Variants in SGCZ observed in about 807,000 individuals in gnomAD.
SGCZ encodes sarcoglycan zeta.
Under a neutral mutation model 41.3 loss-of-function variants are expected in SGCZ, and 40 were observed. That is an observed-to-expected ratio of 0.97 (90% CI 0.75 to 1.26). The LOEUF (loss-of-function observed/expected upper bound fraction) is 1.26, where lower values mean the gene tolerates loss of function less well. SGCZ is among the 50% of genes most tolerant of loss of function. The pLI, the probability that SGCZ is intolerant of heterozygous loss-of-function variation, is 0.00. For missense variants in SGCZ, 552 were observed against 369.8 expected, an observed-to-expected ratio of 1.49 and a Z score of -4.04; for synonymous variants, 206 against 137.5, an observed-to-expected ratio of 1.50 and a Z score of -3.49.
intron 1 of SGCZ, among the ~76,000 whole-genome samples, chr8:14,623,594 T>G (rs187032036): frequency 6.6e-6 from 1 of 152,192 alleles, no homozygotes; most frequent in African/African-American, 2.4e-5. Context: ...TTCCTTTTAT[T>G]AGGATCTTAG....
chr8:15,025,502 G>A (rs1005087831), intron 1 of SGCZ, among the ~76,000 whole-genome samples: 1 of 152,208 alleles, frequency 6.6e-6, no homozygotes, highest in Non-Finnish European at 1.5e-5. Context: ...GGTGATAAAA[G>A]AGAGTGCTAA....
At chr8:14,733,001 A>C (rs1798913045) in intron 1 of SGCZ, among the ~76,000 whole-genome samples, 2 of 151,896 alleles carry the variant, frequency 1.3e-5, no homozygotes, top group African/African-American at 4.8e-5. Context: ...CGTGTTTCTG[A>C]TGCGTTTTCA....
At chr8:15,076,340 A>G (rs1805529658) in intron 1 of SGCZ, among the ~76,000 whole-genome samples, 1 of 152,176 alleles carries the variant, frequency 6.6e-6, no homozygotes, top group South Asian at 2.1e-4. Context: ...AAACAATTGA[A>G]GCGAGACAGA....
At chr8:14,397,185 A>T (rs1171180839) in intron 2 of SGCZ, among the ~76,000 whole-genome samples, 1 of 152,078 alleles carries the variant, frequency 6.6e-6, no homozygotes, top group Non-Finnish European at 1.5e-5. Flanking sequence ...ACCTTGAGAG[A>T]TGTTTATTCC....
chr8:14,330,540 C>G (rs984352373), intron 2 of SGCZ, among the ~76,000 whole-genome samples: 2 of 151,610 alleles, frequency 1.3e-5, no homozygotes, highest in African/African-American at 4.8e-5. Context: ...GACATTCAAA[C>G]CTACGATTTA....
chr8:14,560,354 A>T (rs1229364511), intron 1 of SGCZ, among the ~76,000 whole-genome samples: 1 of 151,984 alleles, frequency 6.6e-6, no homozygotes, highest in Non-Finnish European at 1.5e-5. Context: ...ATATGTATAA[A>T]TTTTTAAAAA....
chr8:14,706,306 C>T (rs1396588813), intron 1 of SGCZ, among the ~76,000 whole-genome samples: 1 of 151,646 alleles, frequency 6.6e-6, no homozygotes, highest in East Asian at 1.9e-4. Context: ...ATTTCAAACT[C>T]ACTATTGGGA....
chr8:14,489,857 A>G (rs575853572), intron 2 of SGCZ, among the ~76,000 whole-genome samples: 29 of 92,528 alleles, frequency 3.1e-4, no homozygotes, highest in African/African-American at 1.3e-3. Context: ...TCGCCGAAAA[A>G]TTCTCCTACC....
intron 2 of SGCZ, among the ~76,000 whole-genome samples, chr8:14,473,678 C>T (rs1238453403): frequency 6.6e-6 from 1 of 152,076 alleles, no homozygotes; most frequent in African/African-American, 2.4e-5. Context: ...TGTCTCAAGC[C>T]TGTAATCCCA....
At chr8:14,476,242 C>A (rs1342445130) in intron 2 of SGCZ, among the ~76,000 whole-genome samples, 1 of 152,080 alleles carries the variant, frequency 6.6e-6, no homozygotes, top group African/African-American at 2.4e-5. Flanking sequence ...GGTCCCCTCT[C>A]ACCAATGTTG....
At chr8:15,194,321 A>C (rs1007298567) in intron 1 of SGCZ, among the ~76,000 whole-genome samples, 2 of 152,122 alleles carry the variant, frequency 1.3e-5, no homozygotes, top group Non-Finnish European at 2.9e-5. Context: ...AAGTTTATTC[A>C]TGGTGGGCAC....
intron 1 of SGCZ, among the ~76,000 whole-genome samples, chr8:14,952,916 T>G (rs1015216132): frequency 1.3e-5 from 2 of 152,130 alleles, no homozygotes; most frequent in African/African-American, 2.4e-5. Flanking sequence ...GCACTTGGAT[T>G]CAGCTACAAA....
At chr8:14,744,494 C>T (rs1799287673) in intron 1 of SGCZ, among the ~76,000 whole-genome samples, 1 of 152,062 alleles carries the variant, frequency 6.6e-6, no homozygotes, top group African/African-American at 2.4e-5. Context: ...GACCCCATTC[C>T]AACTTCCTTT....
intron 5 of SGCZ, among the ~76,000 whole-genome samples, chr8:14,132,837 T>G (rs1803082899): frequency 1.3e-5 from 2 of 152,156 alleles, no homozygotes; most frequent in African/African-American, 4.8e-5. Context: ...GTGCTGGTTT[T>G]TGTTGTTGTT....
chr8:14,611,215 C>T (rs1157161312), intron 1 of SGCZ, among the ~76,000 whole-genome samples: 2 of 152,068 alleles, frequency 1.3e-5, no homozygotes, highest in East Asian at 3.9e-4. Context: ...TGAGTCTTTC[C>T]TCTATCCTTT....
In SGCZ at chr8:14,089,826, G is replaced by GT. The variant is rs1554453652; in HGVS notation, c.*616dup. Reference sequence around the variant, plus strand: ...AAATTCTAGACTTAGTAGACAAAGAGTAACAGCACATTGAAATTAAAGAAA... The same window carrying GT: ...AAATTCTAGACTTAGTAGACAAAGAGTTAACAGCACATTGAAATTAAAGAAA... On this transcript the variant is annotated 3_prime_UTR_variant, in exon 8 of 8. Coordinates refer to ENST00000382080, the MANE Select transcript of SGCZ (RefSeq NM_139167.4). 1 of 152,244 alleles carries GT rather than the reference G, an allele frequency of 6.6e-6. No homozygotes were observed. Among genetic ancestry groups the GT allele is most frequent in the Non-Finnish European group, 1.5e-5 (1 of 67,964 alleles). The allele number at this position is 152,244 out of a possible 1,614,324, so 9.4% of individuals were successfully genotyped here. A position where few individuals can be genotyped will look rare whatever the true frequency, so the allele number is the denominator to read the frequency against.
chr8:14,678,047 A>G (rs368117671), intron 1 of SGCZ, among the ~76,000 whole-genome samples: 1 of 152,292 alleles, frequency 6.6e-6, no homozygotes, highest in African/African-American at 2.4e-5. Context: ...ATTAATACAA[A>G]ATGGATCACA....
chr8:15,112,017 C>G (rs1377994373), intron 1 of SGCZ, among the ~76,000 whole-genome samples: 1 of 152,182 alleles, frequency 6.6e-6, no homozygotes. Flanking sequence ...ACATACCACA[C>G]TCAAGGCCTG....
intron 2 of SGCZ, among the ~76,000 whole-genome samples, chr8:14,429,776 G>A (rs1799890986): frequency 6.6e-6 from 1 of 151,648 alleles, no homozygotes; most frequent in East Asian, 1.9e-4. Context: ...TGTAAACAAA[G>A]TTTTCTTGGA....
Sources: allele counts gnomAD v4.1 joint callset (sites outside exome capture counted in the v4.1 genomes callset), GRCh38; gene constraint gnomAD v4.1.1; transcripts MANE v1.5; gene names NCBI Gene and HGNC (gene_info 2026-07-23, HGNC 2026-07-21).